The following SP3 variants were observed in gnomAD, a reference collection of about 807,000 sequenced individuals.
SP3 encodes transcription factor Sp3.
Under a neutral mutation model 70.3 loss-of-function variants are expected in SP3, and 10 were observed. The ratio of observed to expected loss-of-function variants is 0.14; its 90% CI spans 0.09 to 0.24. The LOEUF is 0.24. Among genes scored for constraint, SP3 ranks in the 10% least tolerant of loss-of-function variants. The pLI, the probability that SP3 is intolerant of heterozygous loss-of-function variation, is 1.00. For missense variants in SP3, 825 were observed against 914.6 expected, an observed-to-expected ratio of 0.90 and a Z score of 1.26; for synonymous variants, 402 against 333.5, an observed-to-expected ratio of 1.21 and a Z score of -2.24.
chr2:173,948,501 G>T (rs181397144), intron 4 of SP3, among the ~76,000 whole-genome samples: 1 of 152,062 alleles, frequency 6.6e-6, no homozygotes, highest in Non-Finnish European at 1.5e-5. Flanking sequence ...TCCACTGGGG[G>T]TCTTTGAACT....
At chr2:173,938,059 T>C (rs940152721) in intron 4 of SP3, among the ~76,000 whole-genome samples, 1 of 152,220 alleles carries the variant, frequency 6.6e-6, no homozygotes, top group African/African-American at 2.4e-5. Context: ...TCTTAGTTTC[T>C]TCCCCCACAG....
chr2:173,930,379 T>C (rs1424294255), intron 4 of SP3, among the ~76,000 whole-genome samples: 1 of 151,994 alleles, frequency 6.6e-6, no homozygotes, highest in African/African-American at 2.4e-5. Flanking sequence ...CTAGCCTGGG[T>C]AACACAGGGA....
Position 173,906,018 on chromosome 2 carries a change from C to A in SP3, c.*3923G>T, listed in dbSNP as rs1268173898. On this transcript the variant is annotated 3_prime_UTR_variant, in exon 7 of 7. Coordinates refer to ENST00000310015, the MANE Select transcript of SP3 (RefSeq NM_003111.5). ...ATATAGGGAAAAAACAAACAATAAA[C>A]CCTGGACTAGAATGAATTTTTCTGG... Among the ~76,000 whole-genome samples the A allele has an allele frequency of 2.0e-5, 3 of 152,076 alleles. No homozygotes were observed. The highest frequency in any genetic ancestry group is 1.3e-4 in the Admixed American group (2 of 15,266).
chr2:173,934,867 G>A (rs1690168304), intron 4 of SP3, among the ~76,000 whole-genome samples: 1 of 152,036 alleles, frequency 6.6e-6, no homozygotes, highest in South Asian at 2.1e-4. Flanking sequence ...AAACATTCAA[G>A]AAAGAATTTT....
At chr2:173,957,251 G>GT (rs1690924576) in intron 3 of SP3, among the ~76,000 whole-genome samples, 1 of 152,020 alleles carries the variant, frequency 6.6e-6, no homozygotes, top group Non-Finnish European at 1.5e-5. Flanking sequence ...AAATACACAC[G>GT]TGAGTAAACC....
intron 4 of SP3, among the ~76,000 whole-genome samples, chr2:173,941,109 T>G (rs1020572613): frequency 6.8e-6 from 1 of 147,228 alleles, no homozygotes; most frequent in Non-Finnish European, 1.5e-5. Context: ...CCTATTTCAA[T>G]GTTGCTCACA....
chr2:173,910,300 C>T (rs1689442763), intron 6 of SP3, 43 bp from the exon 7 acceptor site: 1 of 1,551,038 alleles, frequency 6.4e-7, no homozygotes, highest in South Asian at 1.1e-5. Flanking sequence ...AAAAATTCAA[C>T]TTTAATAGCT....
At chr2:173,920,584 C>G (rs184399591) in intron 4 of SP3, among the ~76,000 whole-genome samples, 3 of 151,976 alleles carry the variant, frequency 2.0e-5, no homozygotes, top group African/African-American at 4.8e-5. Context: ...AGCATCTCAA[C>G]TGCTCTTTAA....
intron 4 of SP3, among the ~76,000 whole-genome samples, chr2:173,945,058 CAAGTAAATGGTTATAATATTT>C (rs1292730479): frequency 1.3e-5 from 2 of 152,168 alleles, no homozygotes; most frequent in African/African-American, 4.8e-5. Flanking sequence ...TATATCAGAA[CAAGTAAATGGTTATAATATTT>C]ACTAATGTTA....
At position 173,964,494 on chromosome 2, in the gene SP3, C is replaced by CCCT; in HGVS notation, c.66_67insAGG (p.Gly22_Gly23insArg). 1.4e-6 allele frequency: 1 copy of CCCT among 702,680 alleles called. No homozygotes were observed. The highest frequency in any genetic ancestry group is 2.6e-6 in the Non-Finnish European group (1 of 378,824). The allele number at this position is 702,680 out of a possible 1,614,324, so 43.5% of individuals were successfully genotyped here. A position where few individuals can be genotyped will look rare whatever the true frequency, so the allele number is the denominator to read the frequency against. On this transcript the variant is annotated inframe_insertion, in exon 2 of 7. Coordinates refer to ENST00000310015, the MANE Select transcript of SP3 (RefSeq NM_003111.5). ...CCGTGGCCGCCGCCGCCGCCACCGC[C>CCCT]GCCGCCGCTATCCACGTCCAAGGCA... is the stretch of plus-strand genomic sequence containing the variant.
chr2:173,934,313 T>A (rs904650322), intron 4 of SP3, among the ~76,000 whole-genome samples: 3 of 150,208 alleles, frequency 2.0e-5, no homozygotes, highest in African/African-American at 7.3e-5. Context: ...TCAAATACCA[T>A]TTTTTAAATT....
rs1453220114 is a variant in SP3 at position 173,910,061 on chromosome 2, T to G, written c.2226A>C (p.Gln742His). Residue 742 changes from glutamine to histidine, a missense_variant, in exon 7 of 7, where the codon CAA (glutamine) becomes CAC (histidine). Physicochemically the swap from Gln to His is conservative, Grantham distance 24 (BLOSUM62 0). Around this residue, in one of 4 missense-constraint regions of SP3, gnomAD observed 91 missense variants for 97.4 expected, o/e 0.93. Coordinates refer to ENST00000310015, the MANE Select transcript of SP3 (RefSeq NM_003111.5). The stretch of plus-strand genomic sequence containing the variant: ...CAGTTCCTATCCCTGAAACAGAACC[T>G]TGTTGAATATTTGCAAGGATAAGCG... ...GTTLILANIQ[Q>H]GSVSGIGTVN... The G allele has an allele frequency of 2.9e-5, 47 of 1,612,764 alleles. No homozygotes were observed. Among genetic ancestry groups the G allele is most frequent in the Non-Finnish European group, 3.7e-5 (44 of 1,179,536 alleles).
At chr2:173,957,169 TAC>T (rs751972837) in intron 3 of SP3, among the ~76,000 whole-genome samples, 15 of 152,306 alleles carry the variant, frequency 9.8e-5, no homozygotes, top group East Asian at 7.7e-4. Flanking sequence ...GAGAAATATA[TAC>T]AGTTATTTCA....
chr2:173,964,862 C>CCTCTCGCACCGTCAGT, intron 1 of SP3: 1 of 493,476 alleles, frequency 2.0e-6, no homozygotes, highest in Non-Finnish European at 3.5e-6. Flanking sequence ...CGCGCTCGCT[C>CCTCTCGCACCGTCAGT]CTCTCGCACC....
In SP3 at chr2:173,903,267, C is replaced by G. The variant is rs1689221171; in HGVS notation, c.*6674G>C. Among the ~76,000 whole-genome samples, 1 of 152,154 alleles carries G rather than the reference C, an allele frequency of 6.6e-6. No individual in the cohort carries two copies. Among genetic ancestry groups the G allele is most frequent in the African/African-American group, 2.4e-5 (1 of 41,422 alleles). ...TTTACATGCATTAACTTATTTATCT[C>G]CATAATCACTCTATGAAGATGACGC... On this transcript the variant is annotated 3_prime_UTR_variant, in exon 7 of 7. Coordinates refer to ENST00000310015, the MANE Select transcript of SP3 (RefSeq NM_003111.5).
At chr2:173,960,123 TCA>T (rs1691019202) in intron 3 of SP3, among the ~76,000 whole-genome samples, 1 of 152,168 alleles carries the variant, frequency 6.6e-6, no homozygotes, top group Non-Finnish European at 1.5e-5. Context: ...TGAGTTGTAA[TCA>T]CACACCTCCA....
intron 4 of SP3, among the ~76,000 whole-genome samples, chr2:173,949,458 T>C (rs1264736828): frequency 6.6e-6 from 1 of 152,060 alleles, no homozygotes; most frequent in Admixed American, 6.6e-5. Flanking sequence ...CAAGACACTA[T>C]AGGAGAGTGA....
Position 173,918,748 on chromosome 2 carries a change from C to G in SP3, c.1677G>C (p.Glu559Asp), listed in dbSNP as rs1559091916. The change falls in exon 5 of 7, where the codon GAG becomes GAC. Residue 559 changes from glutamate to aspartate, a missense_variant. Physicochemically the swap from Glu to Asp is conservative, Grantham distance 45. Around this residue, in one of 4 missense-constraint regions of SP3, gnomAD observed 678 missense variants for 651.6 expected, o/e 1.04. Transcript: ENST00000310015. ...AGGTAGAATCACCACTGAGCTGCCA[C>G]TCTTCAGGATCAGGTTCTTCTTCCT... is the stretch of plus-strand genomic sequence containing the variant. Reference protein sequence around the residue: ...RIKEEEPDPEEWQLSGDSTLN... With the variant: ...RIKEEEPDPEDWQLSGDSTLN... The G allele has an allele frequency of 6.2e-7, 1 of 1,613,284 alleles. No individual in the cohort carries two copies. Among genetic ancestry groups the G allele is most frequent in the South Asian group, 1.1e-5 (1 of 90,972 alleles).
chr2:173,921,512 C>G (rs1302789481), intron 4 of SP3, among the ~76,000 whole-genome samples: 3 of 148,468 alleles, frequency 2.0e-5, no homozygotes, highest in African/African-American at 7.6e-5. Context: ...CAAGAGAGAG[C>G]GGTCCCGTCA....
Sources: allele counts gnomAD v4.1 joint callset (sites outside exome capture counted in the v4.1 genomes callset), GRCh38; gene constraint gnomAD v4.1.1; regional missense constraint gnomAD v4.1.1; transcripts MANE v1.5; gene names NCBI Gene and HGNC (gene_info 2026-07-23, HGNC 2026-07-21).